Variants in DPYSL2 observed in about 807,000 individuals in gnomAD.
DPYSL2 encodes dihydropyrimidinase like 2, also known as dihydropyrimidinase-related protein 2.
Under a neutral mutation model 69.9 loss-of-function variants are expected in DPYSL2, and 13 were observed. The observed-to-expected ratio is 0.19, with a 90% CI of 0.12 to 0.30. The LOEUF is 0.30. Among genes scored for constraint, DPYSL2 ranks in the 10% least tolerant of loss-of-function variants. DPYSL2 has a pLI of 1.00. For missense variants in DPYSL2, 587 were observed against 918.9 expected (o/e 0.64, Z 4.67); for synonymous variants, 326 against 359.1 (o/e 0.91, Z 1.04).
chr8:26,543,319 C>T (rs192173894), intron 1 of DPYSL2, among the ~76,000 whole-genome samples: 45 of 152,328 alleles, frequency 3.0e-4, no homozygotes, highest in Admixed American at 9.2e-4. Flanking sequence ...AATATGAACA[C>T]ATCTGCATAC....
chr8:26,584,808 G>A (rs1435911715), intron 3 of DPYSL2, among the ~76,000 whole-genome samples: 5 of 151,894 alleles, frequency 3.3e-5, no homozygotes, highest in African/African-American at 7.3e-5. Context: ...TAGTAGAGAC[G>A]GGGGTCTTCC....
chr8:26,652,247 T>G lies in DPYSL2; in HGVS notation c.1597-10T>G, dbSNP rs1328574978. 1 of 1,609,466 alleles carries G rather than the reference T, an allele frequency of 6.2e-7. No homozygotes were observed. Among genetic ancestry groups the G allele is most frequent in the East Asian group, 2.2e-5 (1 of 44,808 alleles). On this transcript the variant is annotated splice_polypyrimidine_tract_variant and intron_variant, in intron 11 of 13. Coordinates refer to ENST00000521913, the MANE Select transcript of DPYSL2 (RefSeq NM_001197293.3). This position sits in a 1 kb window ranked among gnomAD's most constrained non-coding sequence, Gnocchi z 6.3. ...GGCCTGTTCTAGAGTTTACTTTGCC[T>G]TCTTCTCAGTCTCTCGAGTACAACA...
chr8:26,595,810 C>T (rs1033013428), intron 3 of DPYSL2, among the ~76,000 whole-genome samples: 1 of 152,126 alleles, frequency 6.6e-6, no homozygotes, highest in African/African-American at 2.4e-5. Flanking sequence ...TGGCTCCTTC[C>T]TCTTTTGTAG....
chr8:26,565,391 G>A lies in DPYSL2; in HGVS notation c.355-16578G>A, dbSNP rs1355631771. On this transcript the variant is annotated intron_variant, in intron 1 of 13. Coordinates refer to ENST00000521913, the MANE Select transcript of DPYSL2 (RefSeq NM_001197293.3). This position sits in a 1 kb window ranked among gnomAD's most constrained non-coding sequence, Gnocchi z 4.1. ...AGGATTGGGAGGTTGCAGGGTAAGA[G>A]TAGCAGAATGATGCTGCTGGTGAGA... Among the ~76,000 whole-genome samples the A allele has an allele frequency of 6.6e-6, 1 of 152,204 alleles. No individual in the cohort carries two copies. The highest frequency in any genetic ancestry group is 1.5e-5 in the Non-Finnish European group (1 of 68,034).
chr8:26,608,428 A>G (rs948971179), intron 3 of DPYSL2, among the ~76,000 whole-genome samples: 2 of 152,236 alleles, frequency 1.3e-5, no homozygotes, highest in African/African-American at 4.8e-5. Context: ...TATAAAAAAC[A>G]AAAGTTCCCT....
At chr8:26,622,472 GTA>G (rs1485083421) in intron 3 of DPYSL2, among the ~76,000 whole-genome samples, 178 of 124,570 alleles carry the variant, frequency 1.4e-3, no homozygotes, top group African/African-American at 4.7e-3. Flanking sequence ...GTGTGTGTGT[GTA>G]TATGTGTGTG....
chr8:26,647,210 T>C lies in DPYSL2; in HGVS notation c.1426-420T>C, dbSNP rs1344098640. 3.9e-5 allele frequency among the ~76,000 whole-genome samples: 6 copies of C among 152,332 alleles called. No homozygotes were observed. The highest frequency in any genetic ancestry group is 1.9e-4 in the East Asian group (1 of 5,186). ...CAGTTTCCCTCATGGTTACATCTTA[T>C]ATAAATGTAGAACAATATCAAAACC... On this transcript the variant is annotated intron_variant, in intron 10 of 13. Coordinates refer to ENST00000521913, the MANE Select transcript of DPYSL2 (RefSeq NM_001197293.3). The surrounding 1 kb of genome is among the most constrained non-coding windows in gnomAD (Gnocchi z 5.1).
rs754236747 is a variant in DPYSL2, at chr8:26,653,214, G to T, written c.1777-18G>T. ...CTGTGGCTGTGGCCTGAGCTGGGGG[G>T]ACTCTTGTGTTTTGCAGCTGGCTGA... On this transcript the variant is annotated intron_variant, in intron 12 of 13. Transcript: ENST00000521913. This position sits in a 1 kb window ranked among gnomAD's most constrained non-coding sequence, Gnocchi z 5.7. 2.5e-6 allele frequency: 4 copies of T among 1,611,780 alleles called. No individual in the cohort carries two copies. The highest frequency in any genetic ancestry group is 2.2e-5 in the South Asian group (2 of 90,744).
chr8:26,577,019 TC>T, intron 1 of DPYSL2: 1 of 327,578 alleles, frequency 3.1e-6, no homozygotes, highest in South Asian at 2.1e-5. Context: ...CTGCGGCTGC[TC>T]CCCATTCCTC....
At chr8:26,604,388 G>A (rs112806521) in intron 3 of DPYSL2, among the ~76,000 whole-genome samples, 2,721 of 152,268 alleles carry the variant, frequency 0.018, 73 homozygotes, top group African/African-American at 0.061. Flanking sequence ...ATTCTGCCAG[G>A]TCCAAAGGCC....
chr8:26,628,033 G>GCCCC, intron 7 of DPYSL2, 93 bp downstream of exon 7: 1 of 1,284,038 alleles, frequency 7.8e-7, no homozygotes, highest in Non-Finnish European at 1.1e-6. Context: ...TGAGAAGGGG[G>GCCCC]CTTCTCTGAT....
At chr8:26,538,451 C>G (rs1247453997) in intron 1 of DPYSL2, among the ~76,000 whole-genome samples, 1 of 152,172 alleles carries the variant, frequency 6.6e-6, no homozygotes, top group Non-Finnish European at 1.5e-5. Context: ...AGAGCGATCC[C>G]TTGGCATGAC....
At chr8:26,548,718 T>TA (rs1179237088) in intron 1 of DPYSL2, among the ~76,000 whole-genome samples, 40 of 143,978 alleles carry the variant, frequency 2.8e-4, no homozygotes, top group South Asian at 4.4e-4. Flanking sequence ...CCTCCTCTCT[T>TA]AAAAAAAAAA....
At chr8:26,581,879 C>A in intron 1 of DPYSL2, 90 bp from the exon 2 acceptor site, 3 of 1,017,326 alleles carry the variant, frequency 2.9e-6, no homozygotes, top group South Asian at 1.4e-5. Context: ...CACTTTTGAA[C>A]AGTGAAAATG....
At chr8:26,538,041 A>G (rs1273637853) in intron 1 of DPYSL2, among the ~76,000 whole-genome samples, 1 of 152,186 alleles carries the variant, frequency 6.6e-6, no homozygotes, top group East Asian at 1.9e-4. Flanking sequence ...TGTCATGACT[A>G]TATCTGAAGC....
chr8:26,534,808 A>C (rs539595170), intron 1 of DPYSL2, among the ~76,000 whole-genome samples: 93 of 151,836 alleles, frequency 6.1e-4, no homozygotes, highest in African/African-American at 2.2e-3. Flanking sequence ...AATTTTTATT[A>C]TTATGTTTTG....
chr8:26,657,310 C>G lies in DPYSL2; in HGVS notation c.*1604C>G, dbSNP rs1351475088. On this transcript the variant is annotated 3_prime_UTR_variant, in exon 14 of 14. Coordinates refer to ENST00000521913, the MANE Select transcript of DPYSL2 (RefSeq NM_001197293.3). ...CTCTCCTTTTCTGTCACCTTTCCCC[C>G]TAGCTGGCTCCTTTGGACCTACCCC... is the stretch of plus-strand genomic sequence containing the variant. 1 of 152,758 alleles carries G rather than the reference C, an allele frequency of 6.5e-6. No homozygotes were observed. The highest frequency in any genetic ancestry group is 1.5e-5 in the Non-Finnish European group (1 of 68,048). 9.5% of individuals were successfully genotyped at this position (152,758 alleles called of 1,614,324 possible). A position where few individuals can be genotyped will look rare whatever the true frequency, so the allele number is the denominator to read the frequency against.
intron 3 of DPYSL2, among the ~76,000 whole-genome samples, chr8:26,618,481 GTTTT>G (rs11287159): frequency 3.2e-5 from 3 of 94,162 alleles, no homozygotes; most frequent in Non-Finnish European, 2.1e-5. Context: ...CCCGGGTAAT[GTTTT>G]TTTTTTTTTT....
At chr8:26,596,661 C>G (rs1353902273) in intron 3 of DPYSL2, among the ~76,000 whole-genome samples, 2 of 152,298 alleles carry the variant, frequency 1.3e-5, no homozygotes, top group South Asian at 2.1e-4. Context: ...CCATCAACCC[C>G]GAAGATAGAT....
Sources: allele counts gnomAD v4.1 joint callset (sites outside exome capture counted in the v4.1 genomes callset), GRCh38; gene constraint gnomAD v4.1.1; non-coding constraint Gnocchi (gnomAD v3.1); transcripts MANE v1.5; gene names NCBI Gene and HGNC (gene_info 2026-07-23, HGNC 2026-07-21).